CNTN5: variants seen among roughly 807,000 people sequenced by gnomAD.
CNTN5 encodes contactin-5.
CNTN5 carries 77 observed loss-of-function variants against 129.1 expected under a neutral mutation model. The observed-to-expected ratio is 0.60, with a 90% CI of 0.50 to 0.72. CNTN5 has a LOEUF of 0.72. CNTN5 is among the 30% of genes least tolerant of loss of function. The pLI, the probability that CNTN5 is intolerant of heterozygous loss-of-function variation, is 0.00. For missense variants in CNTN5, 1,478 were observed against 1,328.8 expected, an observed-to-expected ratio of 1.11 and a Z score of -1.75; for synonymous variants, 509 against 465.6, an observed-to-expected ratio of 1.09 and a Z score of -1.20.
At position 100,340,567 on chromosome 11, in the gene CNTN5, A is replaced by G. The variant is rs200308039; in HGVS notation, c.2835A>G (p.Leu945=). Reference sequence around the variant, plus strand: ...TAACAGGATTAGAAGGAAATACGTTATATCACTTCACAGTGAGGGCTTACA... The same window carrying G: ...TAACAGGATTAGAAGGAAATACGTTGTATCACTTCACAGTGAGGGCTTACA... ...VILTGLEGNT[L]YHFTVRAYNG... The change falls in exon 22 of 25, where the codon TTA becomes TTG. Residue 945 remains leucine, a synonymous_variant. Coordinates refer to ENST00000524871, the MANE Select transcript of CNTN5 (RefSeq NM_014361.4). The G allele has an allele frequency of 1.6e-4, 252 of 1,613,090 alleles. 1 individual carries two copies. Among genetic ancestry groups the G allele is most frequent in the Admixed American group, 1.3e-3 (79 of 59,970 alleles).
rs139977411 is a variant in CNTN5 at position 99,557,577 on chromosome 11, A to G, written c.55+1308A>G. 6.4e-3 allele frequency among the ~76,000 whole-genome samples: 967 copies of G among 151,736 alleles called. 9 individuals are homozygous for G. Among genetic ancestry groups the G allele is most frequent in the African/African-American group, 0.022 (906 of 41,552 alleles). On this transcript the variant is annotated intron_variant, in intron 3 of 24. Coordinates refer to ENST00000524871, the MANE Select transcript of CNTN5 (RefSeq NM_014361.4). ...AGAACAAACCCAAATACAAGAAAAT[A>G]TAAACTCTTTTTAGAATCATTTAAG...
rs1320472223 is a variant in CNTN5 at position 99,819,743 on chromosome 11, C to T, written c.255C>T (p.Ser85=). Residue 85 remains serine (S), a synonymous_variant, in exon 4 of 25, where the codon TCC becomes TCT. Coordinates refer to ENST00000524871, the MANE Select transcript of CNTN5 (RefSeq NM_014361.4). ...ATTCCCCCATCAATCTTTATCATTC[C>T]TCAGATGCCTTCAAACAAGATGGTA... ...NYYSPINLYH[S]SDAFKQDESV... is the part of the protein sequence containing the mutation. The T allele has an allele frequency of 5.7e-6, 9 of 1,588,988 alleles. No individual in the cohort carries two copies. Among genetic ancestry groups the T allele is most frequent in the Non-Finnish European group, 7.7e-6 (9 of 1,166,694 alleles).
intron 3 of CNTN5, among the ~76,000 whole-genome samples, chr11:99,718,267 GTC>G (rs1280008369): frequency 1.3e-5 from 2 of 152,074 alleles, no homozygotes; most frequent in Non-Finnish European, 2.9e-5. Context: ...CACTCACTGT[GTC>G]AGACACTGTT....
At chr11:100,012,283 T>C (rs1940578858) in intron 9 of CNTN5, among the ~76,000 whole-genome samples, 1 of 152,078 alleles carries the variant, frequency 6.6e-6, no homozygotes, top group Non-Finnish European at 1.5e-5. Context: ...ACCTTAAGGA[T>C]TGCATGACCT....
chr11:99,911,724 A>C (rs1015606045), intron 6 of CNTN5, among the ~76,000 whole-genome samples: 1 of 138,632 alleles, frequency 7.2e-6, no homozygotes, highest in Non-Finnish European at 1.6e-5. Context: ...CCTACTCAAC[A>C]TGTCTCAGGA....
chr11:99,488,540 T>A (rs1029764848), intron 2 of CNTN5, among the ~76,000 whole-genome samples: 2 of 152,102 alleles, frequency 1.3e-5, no homozygotes, highest in Non-Finnish European at 2.9e-5. Context: ...TAACCACTAG[T>A]ATGGAGGCTA....
intron 6 of CNTN5, among the ~76,000 whole-genome samples, chr11:99,881,006 G>T (rs1002871660): frequency 1.3e-5 from 2 of 152,296 alleles, no homozygotes; most frequent in Admixed American, 1.3e-4. Flanking sequence ...GGCTAACTAT[G>T]GAGATAGTAA....
In CNTN5 at chr11:99,121,849, A is replaced by G. The variant is rs140818701; in HGVS notation, c.-210+100579A>G. On this transcript the variant is annotated intron_variant, in intron 1 of 24. Coordinates refer to ENST00000524871, the MANE Select transcript of CNTN5 (RefSeq NM_014361.4). Reference sequence around the variant, plus strand: ...TTAAGCAACAATAATGCAGGCAAGCATAATTTTAAAATAAAGAGTGATTTT... The same window carrying G: ...TTAAGCAACAATAATGCAGGCAAGCGTAATTTTAAAATAAAGAGTGATTTT... Among the ~76,000 whole-genome samples, 658 of 152,316 alleles carry G rather than the reference A, an allele frequency of 4.3e-3. 3 individuals are homozygous for G. Among genetic ancestry groups the G allele is most frequent in the Non-Finnish European group, 7.1e-3 (485 of 68,024 alleles).
chr11:100,193,563 C>A lies in CNTN5; in HGVS notation c.1784C>A (p.Ala595Glu). 6.2e-7 allele frequency: 1 copy of A among 1,611,148 alleles called. No homozygotes were observed. The highest frequency in any genetic ancestry group is 8.5e-7 in the Non-Finnish European group (1 of 1,178,190). Residue 595 changes from alanine to glutamate, a missense_variant, in exon 15 of 25, where the codon GCA becomes GAA. Ala to Glu is a moderately radical substitution (Grantham distance 107). Coordinates refer to ENST00000524871, the MANE Select transcript of CNTN5 (RefSeq NM_014361.4). ...VGESIVLNCKAIHDASLDVTF... is the reference protein window; with the variant it reads ...VGESIVLNCKEIHDASLDVTF... ...GAAAGCATTGTCCTTAATTGCAAAG[C>A]AATTCACGATGCTAGTTTGGATGTC...
At chr11:99,315,949 G>A (rs2447148) in intron 1 of CNTN5, among the ~76,000 whole-genome samples, 76,684 of 138,722 alleles carry the variant, frequency 0.55, 22,531 homozygotes, top group East Asian at 0.75. Flanking sequence ...ATTATAGAGA[G>A]GTAAATGGAT....
At chr11:99,477,937 A>C (rs1945441972) in intron 2 of CNTN5, among the ~76,000 whole-genome samples, 1 of 152,176 alleles carries the variant, frequency 6.6e-6, no homozygotes, top group Non-Finnish European at 1.5e-5. Context: ...GCTGTTGTAG[A>C]ATCAGAATGT....
intron 1 of CNTN5, among the ~76,000 whole-genome samples, chr11:99,173,209 C>T (rs1029887395): frequency 6.6e-6 from 1 of 152,152 alleles, no homozygotes; most frequent in African/African-American, 2.4e-5. Flanking sequence ...GGTGGGGACA[C>T]ACAGCCAAAC....
At chr11:99,918,401 A>C (rs1949849168) in intron 7 of CNTN5, among the ~76,000 whole-genome samples, 1 of 152,212 alleles carries the variant, frequency 6.6e-6, no homozygotes, top group Non-Finnish European at 1.5e-5. Context: ...TCAATTTAAA[A>C]TAAAAATGAT....
chr11:99,386,011 T>C (rs1314869726), intron 2 of CNTN5, among the ~76,000 whole-genome samples: 15 of 152,204 alleles, frequency 9.9e-5, no homozygotes, highest in African/African-American at 3.4e-4. Flanking sequence ...TGGGTGAAAG[T>C]TACGTGGCTG....
At chr11:99,430,526 A>G (rs1349091437) in intron 2 of CNTN5, among the ~76,000 whole-genome samples, 2 of 150,676 alleles carry the variant, frequency 1.3e-5, no homozygotes, top group Admixed American at 6.6e-5. Flanking sequence ...CTATATATAT[A>G]TAGCTTGAAT....
chr11:99,665,085 A>T (rs916247144), intron 3 of CNTN5, among the ~76,000 whole-genome samples: 2 of 152,204 alleles, frequency 1.3e-5, no homozygotes, highest in Non-Finnish European at 2.9e-5. Context: ...ATAGTTCGCT[A>T]TAAGAAGGAT....
chr11:100,162,832 C>A (rs1006178348), intron 13 of CNTN5, among the ~76,000 whole-genome samples: 1 of 151,468 alleles, frequency 6.6e-6, no homozygotes, highest in South Asian at 2.1e-4. Context: ...GCCTTTTTTC[C>A]CCAGTTGCTA....
chr11:99,683,223 G>A (rs1337055487), intron 3 of CNTN5, among the ~76,000 whole-genome samples: 3 of 151,470 alleles, frequency 2.0e-5, no homozygotes, highest in African/African-American at 7.3e-5. Flanking sequence ...TCCCTTCACC[G>A]CAGCTCATAA....
Position 99,893,773 on chromosome 11 carries a change from A to C in CNTN5, c.578-22281A>C, listed in dbSNP as rs187821803. On this transcript the variant is annotated intron_variant, in intron 6 of 24. Transcript: ENST00000524871. ...ATTCCTTCACATTAAGCTAACCAACATCACATTGTCTTTATCTATCTATAT... is the reference window on the plus strand; with the variant it reads ...ATTCCTTCACATTAAGCTAACCAACCTCACATTGTCTTTATCTATCTATAT... 1.4e-4 allele frequency among the ~76,000 whole-genome samples: 22 copies of C among 152,344 alleles called. No individual in the cohort carries two copies. The East Asian group carries it at 4.2e-3, about 29-fold the overall frequency.
Sources: gnomAD v4.1 joint callset for allele counts (sites outside exome capture counted in the v4.1 genomes callset) on GRCh38, gnomAD v4.1.1 for gene constraint, MANE v1.5 for transcripts, NCBI Gene and HGNC (gene_info 2026-07-23, HGNC 2026-07-21) for gene names.